RDH10: variants seen among roughly 807,000 people sequenced by gnomAD.
RDH10 encodes the protein retinol dehydrogenase 10 (all-trans).
Under a neutral mutation model 30.2 loss-of-function variants are expected in RDH10, and 12 were observed. That is an observed-to-expected ratio of 0.40 (90% CI 0.25 to 0.64). RDH10 has a LOEUF of 0.64. RDH10 is among the 30% of genes least tolerant of loss of function. The probability of loss-of-function intolerance (pLI) is 0.43; values close to 1 mark genes in which losing one functional copy is unlikely to be tolerated. For synonymous variants in RDH10, 189 were observed against 172.2 expected (o/e 1.10, Z -0.76); for missense variants, 268 against 445.2 (o/e 0.60, Z 3.58).
chr8:73,297,760 G>T, intron 2 of RDH10: 1 of 235,166 alleles, frequency 4.3e-6, no homozygotes, highest in Non-Finnish European at 8.6e-6. Context: ...ATAAAACATT[G>T]GTTGTTCTTA....
At chr8:73,322,020 G>T (rs753291431) in intron 4 of RDH10, 2 of 456,186 alleles carry the variant, frequency 4.4e-6, no homozygotes, top group South Asian at 3.1e-5. Flanking sequence ...TTGGGAAGCA[G>T]TTGCTGAGGG....
intron 2 of RDH10, among the ~76,000 whole-genome samples, chr8:73,317,464 CAG>C (rs1304247965): frequency 2.7e-5 from 4 of 148,934 alleles, no homozygotes; most frequent in East Asian, 4.2e-4. Context: ...GAAACTCAAA[CAG>C]GGTGTGAGTT....
At chr8:73,301,985 A>G (rs1472601033) in intron 2 of RDH10, among the ~76,000 whole-genome samples, 1 of 152,194 alleles carries the variant, frequency 6.6e-6, no homozygotes, top group African/African-American at 2.4e-5. Context: ...GCCAGTTTGA[A>G]TGAAGCTCAC....
chr8:73,314,246 C>T (rs567342992), intron 2 of RDH10, among the ~76,000 whole-genome samples: 25 of 152,224 alleles, frequency 1.6e-4, no homozygotes, highest in Non-Finnish European at 2.4e-4. Flanking sequence ...ACAGAATATG[C>T]TGTGCTATCT....
intron 2 of RDH10, among the ~76,000 whole-genome samples, chr8:73,315,156 C>CCCCCTCGCCCTTT (rs1814637456): frequency 1.6e-5 from 2 of 127,834 alleles, no homozygotes; most frequent in Admixed American, 8.0e-5. Context: ...CTCTCTCTCT[C>CCCCCTCGCCCTTT]TCTCCCCCCA....
chr8:73,295,874 T>A, intron 1 of RDH10: 1 of 1,217,392 alleles, frequency 8.2e-7, no homozygotes, highest in Non-Finnish European at 1.0e-6. Flanking sequence ...AGGGAACTTG[T>A]TACCACAGGT....
chr8:73,316,208 G>C (rs1212979708), intron 2 of RDH10, among the ~76,000 whole-genome samples: 2 of 152,040 alleles, frequency 1.3e-5, no homozygotes, highest in Admixed American at 6.6e-5. Context: ...TGTAGAGGCA[G>C]CGTTTCACAG....
chr8:73,299,463 G>T (rs1224450552), intron 2 of RDH10, among the ~76,000 whole-genome samples: 1 of 152,158 alleles, frequency 6.6e-6, no homozygotes, highest in Admixed American at 6.5e-5. Flanking sequence ...TAAGTGGGAG[G>T]CGAAGTGTCA....
At chr8:73,302,214 C>G (rs1814391928) in intron 2 of RDH10, among the ~76,000 whole-genome samples, 1 of 152,184 alleles carries the variant, frequency 6.6e-6, no homozygotes, top group East Asian at 1.9e-4. Context: ...GAACCTTCTC[C>G]TGGTCACCAG....
At chr8:73,307,551 C>T (rs1814485013) in intron 2 of RDH10, among the ~76,000 whole-genome samples, 1 of 152,208 alleles carries the variant, frequency 6.6e-6, no homozygotes, top group African/African-American at 2.4e-5. Flanking sequence ...AGCCTCACAG[C>T]AACTCTGAAT....
At chr8:73,295,632 G>T (rs1435402684) in intron 1 of RDH10, 54 bp downstream of exon 1, 9 of 1,419,842 alleles carry the variant, frequency 6.3e-6, no homozygotes, top group Non-Finnish European at 8.3e-6. Context: ...TCCACCCCGC[G>T]CCCTACCACG....
In RDH10 at chr8:73,294,705, G is replaced by A. The variant is rs1814218528; in HGVS notation, c.-585G>A. Reference sequence around the variant, plus strand: ...GCAGGGCCGGGGAACGCGAGCCCTCGGGGGCAGCTGCAAGGCGTTGGGCAG... The same window carrying A: ...GCAGGGCCGGGGAACGCGAGCCCTCAGGGGCAGCTGCAAGGCGTTGGGCAG... On this transcript the variant is annotated 5_prime_UTR_variant, in exon 1 of 6. Transcript: ENST00000240285. The A allele has an allele frequency of 8.1e-6, 3 of 368,714 alleles. No individual in the cohort carries two copies. The East Asian group carries it at 1.2e-4, about 14-fold the overall frequency. 22.8% of individuals were successfully genotyped at this position (368,714 alleles called of 1,614,324 possible).
At chr8:73,311,711 C>T (rs1311244022) in intron 2 of RDH10, 1 of 152,190 alleles carries the variant, frequency 6.6e-6, no homozygotes, top group Non-Finnish European at 1.5e-5. Context: ...CCTCTATTAT[C>T]TAAAGAGTGA....
chr8:73,297,515 A>G (rs1814288911), intron 2 of RDH10, 86 bp downstream of exon 2: 1 of 901,448 alleles, frequency 1.1e-6, no homozygotes, highest in Non-Finnish European at 1.9e-6. Context: ...CCAGCCTGAA[A>G]GCAACCTGTA....
rs11988756 is a variant in RDH10 at position 73,324,239 on chromosome 8, A to G, written c.*1203A>G. On this transcript the variant is annotated 3_prime_UTR_variant, in exon 6 of 6. Transcript: ENST00000240285. ...TCTTATTCTATGGCATATGTATGGA[A>G]GGGTGTAAAGATTCTTTTGAAAGGT... 6.3e-4 allele frequency: 97 copies of G among 152,794 alleles called. No homozygotes were observed. The highest frequency in any genetic ancestry group is 2.2e-3 in the African/African-American group (91 of 41,598). The allele number at this position is 152,794 out of a possible 1,614,324, so 9.5% of individuals were successfully genotyped here.
chr8:73,310,686 A>T (rs1250650372), intron 2 of RDH10, among the ~76,000 whole-genome samples: 1 of 152,192 alleles, frequency 6.6e-6, no homozygotes, highest in Non-Finnish European at 1.5e-5. Flanking sequence ...ATTTGGCTGC[A>T]ATTTTGTGGG....
At chr8:73,307,525 A>G (rs1814484491) in intron 2 of RDH10, among the ~76,000 whole-genome samples, 1 of 152,216 alleles carries the variant, frequency 6.6e-6, no homozygotes. Flanking sequence ...CTTTTCATAA[A>G]CACTTTTCTC....
intron 2 of RDH10, among the ~76,000 whole-genome samples, chr8:73,317,466 G>A (rs887161112): frequency 1.1e-4 from 16 of 148,064 alleles, no homozygotes; most frequent in African/African-American, 3.9e-4. Flanking sequence ...AACTCAAACA[G>A]GGTGTGAGTT....
At chr8:73,321,114 T>A in intron 4 of RDH10, 37 bp downstream of exon 4, 1 of 1,548,134 alleles carries the variant, frequency 6.5e-7, no homozygotes, top group Non-Finnish European at 8.8e-7. Context: ...ATAAAAAGAA[T>A]ATGTTGGGAG....
Sources: gnomAD v4.1 joint callset for allele counts (sites outside exome capture counted in the v4.1 genomes callset) on GRCh38, gnomAD v4.1.1 for gene constraint, MANE v1.5 for transcripts, NCBI Gene and HGNC (gene_info 2026-07-23, HGNC 2026-07-21) for gene names.